The following NRG2 variants were observed in gnomAD, a reference collection of about 807,000 sequenced individuals.
The protein encoded by NRG2 is pro-neuregulin-2, membrane-bound isoform.
In NRG2, 27 loss-of-function variants were observed where a neutral mutation model predicts 73.9. The observed-to-expected ratio is 0.37, with a 90% confidence interval of 0.27 to 0.50. The LOEUF is 0.50. NRG2 is among the 20% of genes least tolerant of loss of function. The probability of loss-of-function intolerance (pLI) is 0.96; values close to 1 mark genes in which losing one functional copy is unlikely to be tolerated. For missense variants in NRG2, 1,126 were observed against 1,210.1 expected (o/e 0.93, Z 1.03); for synonymous variants, 532 against 541.0 (o/e 0.98, Z 0.23).
intron 1 of NRG2, among the ~76,000 whole-genome samples, chr5:139,937,684 T>C (rs1029288896): frequency 3.3e-5 from 5 of 152,120 alleles, no homozygotes; most frequent in African/African-American, 1.2e-4. Flanking sequence ...TAGGGGAACT[T>C]TTGGGAGTAA....
chr5:139,916,810 T>G lies in NRG2; in HGVS notation c.701-29299A>C, dbSNP rs973250127. Reference sequence around the variant, plus strand: ...TTATATGTTCATCAGTTGATGGACATTTGGATTGTTTCTACTTTTCGGCTA... The same window carrying G: ...TTATATGTTCATCAGTTGATGGACAGTTGGATTGTTTCTACTTTTCGGCTA... On this transcript the variant is annotated intron_variant, in intron 1 of 9. Transcript: ENST00000361474. Among the ~76,000 whole-genome samples the G allele has an allele frequency of 6.6e-5, 10 of 152,362 alleles. No homozygotes were observed. In the East Asian group the frequency reaches 1.9e-3, roughly 29 times the overall value.
chr5:139,849,527 G>A (rs1056298425), intron 9 of NRG2, among the ~76,000 whole-genome samples: 5 of 152,046 alleles, frequency 3.3e-5, no homozygotes, highest in Non-Finnish European at 5.9e-5. Context: ...GCTGGATCCC[G>A]GGTACCTGTC....
At chr5:139,906,193 A>C (rs1048451388) in intron 1 of NRG2, among the ~76,000 whole-genome samples, 1 of 152,032 alleles carries the variant, frequency 6.6e-6, no homozygotes, top group Non-Finnish European at 1.5e-5. Context: ...TTTTTAGTAG[A>C]GACGGTGTTT....
At chr5:140,039,762 C>T (rs965745321) in intron 1 of NRG2, among the ~76,000 whole-genome samples, 2 of 152,198 alleles carry the variant, frequency 1.3e-5, no homozygotes, top group Non-Finnish European at 2.9e-5. Flanking sequence ...CCTACACACA[C>T]TCAGACCTGA....
At chr5:139,946,007 G>A (rs1753774835) in intron 1 of NRG2, among the ~76,000 whole-genome samples, 1 of 152,032 alleles carries the variant, frequency 6.6e-6, no homozygotes, top group Non-Finnish European at 1.5e-5. Flanking sequence ...TCATGAATCA[G>A]GAGATTCAAT....
intron 1 of NRG2, among the ~76,000 whole-genome samples, chr5:140,032,221 T>C (rs1761211659): frequency 6.6e-6 from 1 of 152,080 alleles, no homozygotes; most frequent in Non-Finnish European, 1.5e-5. Context: ...GAGACCAGAA[T>C]AAGGAATATC....
At chr5:139,889,370 T>C (rs1415802936) in intron 1 of NRG2, among the ~76,000 whole-genome samples, 2 of 152,174 alleles carry the variant, frequency 1.3e-5, no homozygotes, top group African/African-American at 2.4e-5. Flanking sequence ...TGATTCAAAA[T>C]TCAAGAAGTG....
chr5:139,898,416 T>G (rs1764684937), intron 1 of NRG2, among the ~76,000 whole-genome samples: 1 of 152,204 alleles, frequency 6.6e-6, no homozygotes, highest in South Asian at 2.1e-4. Context: ...GTGTGTGGAC[T>G]TCCCTCTCTG....
intron 1 of NRG2, among the ~76,000 whole-genome samples, chr5:139,946,982 C>T (rs1361992686): frequency 6.6e-6 from 1 of 151,788 alleles, no homozygotes; most frequent in African/African-American, 2.4e-5. Flanking sequence ...TACCACCTCA[C>T]ACCTATTAGG....
At chr5:140,038,019 G>A (rs538690057) in intron 1 of NRG2, among the ~76,000 whole-genome samples, 1 of 151,968 alleles carries the variant, frequency 6.6e-6, no homozygotes, top group Non-Finnish European at 1.5e-5. Context: ...TTAAAGCGGG[G>A]TAGCTGAGAA....
At chr5:139,876,441 C>T (rs1286744067) in intron 3 of NRG2, among the ~76,000 whole-genome samples, 1 of 151,992 alleles carries the variant, frequency 6.6e-6, no homozygotes, top group Non-Finnish European at 1.5e-5. Context: ...TACTAAAAAC[C>T]ACTGAATTGT....
At chr5:140,039,946 G>A (rs976724859) in intron 1 of NRG2, among the ~76,000 whole-genome samples, 2 of 152,194 alleles carry the variant, frequency 1.3e-5, no homozygotes, top group African/African-American at 2.4e-5. Context: ...AACAGAAAAT[G>A]AATTTGTTAG....
chr5:140,023,061 A>G (rs1045191049), intron 1 of NRG2, among the ~76,000 whole-genome samples: 2 of 152,176 alleles, frequency 1.3e-5, no homozygotes, highest in African/African-American at 4.8e-5. Flanking sequence ...ATTGATCTCC[A>G]GAACATGCAC....
intron 1 of NRG2, among the ~76,000 whole-genome samples, chr5:139,949,346 T>C (rs1379091337): frequency 6.6e-6 from 1 of 152,226 alleles, no homozygotes; most frequent in African/African-American, 2.4e-5. Context: ...TCTCCCTCTC[T>C]CTAGCAAATC....
intron 1 of NRG2, among the ~76,000 whole-genome samples, chr5:139,907,227 C>A (rs143520548): frequency 1.3e-5 from 2 of 152,142 alleles, no homozygotes; most frequent in East Asian, 3.9e-4. Flanking sequence ...AGTTGTAGGT[C>A]CAATGAAGAC....
At chr5:139,857,441 G>A (rs1761878355) in intron 5 of NRG2, among the ~76,000 whole-genome samples, 1 of 152,106 alleles carries the variant, frequency 6.6e-6, no homozygotes, top group Non-Finnish European at 1.5e-5. Flanking sequence ...TGGATGAGAG[G>A]ACTGGTTCCC....
chr5:139,927,866 T>G (rs1240488736), intron 1 of NRG2, among the ~76,000 whole-genome samples: 1 of 151,134 alleles, frequency 6.6e-6, no homozygotes, highest in Non-Finnish European at 1.5e-5. Context: ...AAAAGGAAAC[T>G]ATCCCCAGGA....
chr5:139,944,435 T>C (rs1205016681), intron 1 of NRG2, among the ~76,000 whole-genome samples: 1 of 152,174 alleles, frequency 6.6e-6, no homozygotes, highest in Non-Finnish European at 1.5e-5. Flanking sequence ...GCCTCTAGTA[T>C]CCTCTGTTCT....
chr5:139,958,122 A>G (rs1416625014), intron 1 of NRG2, among the ~76,000 whole-genome samples: 1 of 152,136 alleles, frequency 6.6e-6, no homozygotes, highest in African/African-American at 2.4e-5. Context: ...TTACAAAGCA[A>G]TGCAAGGCCT....
Sources: gnomAD v4.1 joint callset for allele counts (sites outside exome capture counted in the v4.1 genomes callset) on GRCh38, gnomAD v4.1.1 for gene constraint, MANE v1.5 for transcripts, NCBI Gene and HGNC (gene_info 2026-07-23, HGNC 2026-07-21) for gene names.